Variants in SENP7 observed in about 807,000 individuals in gnomAD.
SENP7 encodes the protein SUMO specific peptidase 7.
A neutral mutation model predicts 141.2 loss-of-function variants in SENP7; 64 were observed. The observed-to-expected ratio is 0.45, with a 90% CI of 0.37 to 0.56. The LOEUF is 0.56. SENP7 is among the 20% of genes least tolerant of loss of function. The probability of loss-of-function intolerance (pLI) is 0.00; values close to 1 mark genes in which losing one functional copy is unlikely to be tolerated. For synonymous variants in SENP7, 382 were observed against 426.4 expected, an observed-to-expected ratio of 0.90 and a Z score of 1.28; for missense variants, 1,025 against 1,212.2, an observed-to-expected ratio of 0.85 and a Z score of 2.29.
intron 6 of SENP7, among the ~76,000 whole-genome samples, chr3:101,378,816 G>A (rs1474287980): frequency 6.6e-6 from 1 of 151,826 alleles, no homozygotes. Flanking sequence ...AAAAAAATAA[G>A]CCCTTAACTA....
At chr3:101,378,377 A>C (rs2060397899) in intron 6 of SENP7, among the ~76,000 whole-genome samples, 1 of 152,130 alleles carries the variant, frequency 6.6e-6, no homozygotes, top group African/African-American at 2.4e-5. Flanking sequence ...TGAAAAAGAA[A>C]TACTAAAGAT....
chr3:101,427,356 G>A (rs1373466052), intron 4 of SENP7, among the ~76,000 whole-genome samples: 2 of 151,908 alleles, frequency 1.3e-5, no homozygotes, highest in Non-Finnish European at 2.9e-5. Flanking sequence ...CGGGAGTGGT[G>A]GTGCACACCT....
At chr3:101,376,419 TGAAGG>T (rs1397951602) in intron 6 of SENP7, among the ~76,000 whole-genome samples, 2 of 152,020 alleles carry the variant, frequency 1.3e-5, no homozygotes, top group Non-Finnish European at 2.9e-5. Flanking sequence ...ATACAATAAA[TGAAGG>T]GAATAGGAGA....
chr3:101,392,864 G>T (rs2060854523), intron 6 of SENP7, among the ~76,000 whole-genome samples: 2 of 152,180 alleles, frequency 1.3e-5, no homozygotes, highest in African/African-American at 2.4e-5. Context: ...CACATCTGTA[G>T]TCCCAGCTAT....
intron 13 of SENP7, among the ~76,000 whole-genome samples, chr3:101,344,346 T>C (rs973976443): frequency 1.3e-5 from 2 of 152,204 alleles, no homozygotes; most frequent in Non-Finnish European, 2.9e-5. Context: ...TTCTCCTCAG[T>C]CATTTCAATG....
At chr3:101,400,982 G>A (rs1373014373) in intron 5 of SENP7, among the ~76,000 whole-genome samples, 7 of 151,822 alleles carry the variant, frequency 4.6e-5, no homozygotes, top group Non-Finnish European at 7.4e-5. Flanking sequence ...CCTGTAGTCC[G>A]AGCTACTTGG....
intron 5 of SENP7, among the ~76,000 whole-genome samples, chr3:101,406,954 T>C (rs535902188): frequency 6.6e-6 from 1 of 152,334 alleles, no homozygotes; most frequent in African/African-American, 2.4e-5. Flanking sequence ...CCAAGAATTT[T>C]GTATGCAGCG....
intron 4 of SENP7, among the ~76,000 whole-genome samples, chr3:101,425,439 G>T (rs970681973): frequency 1.3e-5 from 2 of 152,178 alleles, no homozygotes; most frequent in African/African-American, 2.4e-5. Flanking sequence ...AACAAAGCCA[G>T]TTGGCTGACT....
At chr3:101,431,974 C>T (rs910406084) in intron 4 of SENP7, among the ~76,000 whole-genome samples, 2 of 152,122 alleles carry the variant, frequency 1.3e-5, no homozygotes, top group South Asian at 4.1e-4. Context: ...GAGTAGAGCA[C>T]CAAAGAGGCT....
At chr3:101,326,177 T>C in intron 23 of SENP7, 97 bp from the exon 24 acceptor site, 1 of 976,912 alleles carries the variant, frequency 1.0e-6, no homozygotes, top group Non-Finnish European at 1.4e-6. Context: ...TGCTAACTTT[T>C]TTAAAATAAC....
chr3:101,412,019 T>C (rs2061470028), intron 5 of SENP7, among the ~76,000 whole-genome samples: 1 of 152,150 alleles, frequency 6.6e-6, no homozygotes, highest in Non-Finnish European at 1.5e-5. Context: ...GGTTCCTTCC[T>C]TGTTTAAATA....
intron 12 of SENP7, among the ~76,000 whole-genome samples, chr3:101,350,760 CTTTT>C (rs1288102776): frequency 6.6e-6 from 1 of 151,890 alleles, no homozygotes; most frequent in South Asian, 2.1e-4. Context: ...AATCACATGA[CTTTT>C]TTTGTTTCTT....
chr3:101,327,734 C>A lies in SENP7; in HGVS notation c.2947G>T (p.Val983Phe). The A allele has an allele frequency of 6.2e-7, 1 of 1,612,178 alleles. No individual in the cohort carries two copies. Among genetic ancestry groups the A allele is most frequent in the Non-Finnish European group, 8.5e-7 (1 of 1,178,854 alleles). Residue 983 changes from valine (V) to phenylalanine (F), a missense_variant, in exon 23 of 24, where the codon GTT becomes TTT. By Grantham distance (50) the Val-to-Phe change is conservative (BLOSUM62 -1). Around this residue, in one of 4 missense-constraint regions of SENP7, gnomAD observed 295 missense variants for 459.1 expected, o/e 0.64. Transcript: ENST00000394095. ...KTNMVDLCPK[V>F]PKQDNSSDCG... ...TCACTGCTATTGTCCTGTTTAGGAACTTTAGGGCATAGATCCACCATGTTT... is the reference window on the plus strand; with the variant it reads ...TCACTGCTATTGTCCTGTTTAGGAAATTTAGGGCATAGATCCACCATGTTT...
chr3:101,400,773 A>G (rs2061113629), intron 5 of SENP7, among the ~76,000 whole-genome samples: 1 of 152,048 alleles, frequency 6.6e-6, no homozygotes. Context: ...CGTGAAAGGA[A>G]GAGTCTCAAG....
At chr3:101,354,490 A>G (rs1024055959) in intron 11 of SENP7, among the ~76,000 whole-genome samples, 2 of 152,000 alleles carry the variant, frequency 1.3e-5, no homozygotes, top group Non-Finnish European at 2.9e-5. Context: ...TCCCACTTAT[A>G]ACTGAGAATA....
intron 13 of SENP7, among the ~76,000 whole-genome samples, chr3:101,346,254 A>C (rs1559696912): frequency 6.6e-6 from 1 of 152,184 alleles, no homozygotes; most frequent in Non-Finnish European, 1.5e-5. Context: ...AAAGAATGAA[A>C]AAATAATAGA....
intron 3 of SENP7, among the ~76,000 whole-genome samples, chr3:101,478,519 T>G (rs971242915): frequency 6.6e-6 from 1 of 152,048 alleles, no homozygotes; most frequent in Non-Finnish European, 1.5e-5. Context: ...AGCAAGACCC[T>G]GTCACTAAAG....
chr3:101,472,866 C>T (rs2064059973), intron 3 of SENP7, among the ~76,000 whole-genome samples: 1 of 151,946 alleles, frequency 6.6e-6, no homozygotes, highest in South Asian at 2.1e-4. Context: ...AGATATTAGG[C>T]CTAGTACTCA....
chr3:101,432,172 A>G (rs2062205688), intron 4 of SENP7, among the ~76,000 whole-genome samples: 1 of 152,196 alleles, frequency 6.6e-6, no homozygotes. Flanking sequence ...GTGGCCTGGG[A>G]TAGCAATGGC....
Sources: allele counts gnomAD v4.1 joint callset (sites outside exome capture counted in the v4.1 genomes callset), GRCh38; gene constraint gnomAD v4.1.1; regional missense constraint gnomAD v4.1.1; transcripts MANE v1.5; gene names NCBI Gene and HGNC (gene_info 2026-07-23, HGNC 2026-07-21).